GRM5: variants seen among roughly 807,000 people sequenced by gnomAD.
The protein encoded by GRM5 is metabotropic glutamate receptor 5.
A neutral mutation model predicts 83.1 loss-of-function variants in GRM5; 19 were observed. That is an observed-to-expected ratio of 0.23 (90% confidence interval 0.16 to 0.34). GRM5 has a LOEUF of 0.34. Ranked by LOEUF, GRM5 falls within the 10% of genes least tolerant of loss-of-function variation. GRM5 has a pLI of 1.00. For missense variants in GRM5, 1,160 were observed against 1,588.3 expected (o/e 0.73, Z 4.58); for synonymous variants, 675 against 633.6 (o/e 1.07, Z -0.98).
At chr11:88,570,571 A>ATATATATATATATATATATATATT (rs1405339448) in intron 7 of GRM5, among the ~76,000 whole-genome samples, 2 of 46,378 alleles carry the variant, frequency 4.3e-5, no homozygotes, top group Non-Finnish European at 3.5e-5. Context: ...ATATATATAT[A>ATATATATATATATATATATATATT]TTTTTTTTTT....
intron 4 of GRM5, among the ~76,000 whole-genome samples, chr11:88,630,767 G>A (rs1000410369): frequency 1.3e-5 from 2 of 152,030 alleles, no homozygotes; most frequent in African/African-American, 4.8e-5. Flanking sequence ...TAGTAGAGAC[G>A]GGGTTTCTCC....
intron 8 of GRM5, among the ~76,000 whole-genome samples, chr11:88,556,118 A>C (rs761333862): frequency 6.6e-5 from 10 of 152,144 alleles, no homozygotes; most frequent in Admixed American, 1.3e-4. Context: ...TCCCCAGGAT[A>C]GAGCAATGAT....
intron 3 of GRM5, among the ~76,000 whole-genome samples, chr11:88,714,301 AG>A (rs1370494217): frequency 2.0e-5 from 3 of 151,934 alleles, no homozygotes; most frequent in African/African-American, 7.2e-5. Context: ...GGGGAGGGGT[AG>A]GAAGGTTTCT....
chr11:88,513,128 T>C (rs575326315), intron 9 of GRM5, among the ~76,000 whole-genome samples: 3 of 152,322 alleles, frequency 2.0e-5, no homozygotes, highest in African/African-American at 7.2e-5. Flanking sequence ...AATTGTCTTG[T>C]CTTAAAGAAA....
At chr11:88,677,547 T>G (rs1181599974) in intron 3 of GRM5, among the ~76,000 whole-genome samples, 3 of 152,092 alleles carry the variant, frequency 2.0e-5, no homozygotes, top group African/African-American at 7.2e-5. Context: ...AAGAATGAAG[T>G]TGAAACATGG....
chr11:88,793,324 CAGATTTACACATATATAA>C (rs1308816468), intron 3 of GRM5, among the ~76,000 whole-genome samples: 1 of 152,006 alleles, frequency 6.6e-6, no homozygotes, highest in African/African-American at 2.4e-5. Flanking sequence ...ATGTGCTTTC[CAGATTTACACATATATAA>C]AAATTTGACA....
intron 2 of GRM5, among the ~76,000 whole-genome samples, chr11:88,860,401 ACT>A (rs1172933698): frequency 2.0e-5 from 3 of 152,042 alleles, no homozygotes; most frequent in African/African-American, 7.2e-5. Flanking sequence ...AAAGGAGAAA[ACT>A]CTATACGGAG....
Position 88,653,230 on chromosome 11 carries a change from C to T in GRM5, c.1085G>A (p.Arg362His), listed in dbSNP as rs1488106061. The change falls in exon 4 of 10, where the codon CGT (arginine) becomes CAT (histidine). Residue 362 changes from arginine (R) to histidine (H), a missense_variant. Coordinates refer to ENST00000305447, the MANE Select transcript of GRM5 (RefSeq NM_001143831.3). ...NPWFQEFWQHRFQCRLEGFPQ... is the reference protein window; with the variant it reads ...NPWFQEFWQHHFQCRLEGFPQ... The stretch of plus-strand genomic sequence containing the variant: ...AAACCCTTCCAGTCGGCACTGAAAA[C>T]GATGCTGCCAAAATTCTTGAAACCA... The T allele has an allele frequency of 3.1e-6, 5 of 1,613,078 alleles. No homozygotes were observed. The highest frequency in any genetic ancestry group is 2.2e-5 in the East Asian group (1 of 44,836).
At chr11:88,978,322 G>C (rs1939405042) in intron 2 of GRM5, among the ~76,000 whole-genome samples, 2 of 151,736 alleles carry the variant, frequency 1.3e-5, no homozygotes, top group South Asian at 4.2e-4. Context: ...TGGTTTCATG[G>C]GTGTATATTT....
intron 3 of GRM5, among the ~76,000 whole-genome samples, chr11:88,738,600 C>G (rs1328577911): frequency 6.6e-6 from 1 of 152,106 alleles, no homozygotes; most frequent in Non-Finnish European, 1.5e-5. Flanking sequence ...AATACTTCTT[C>G]TCTTAATGTT....
chr11:88,622,479 C>G (rs1486689785), intron 4 of GRM5, among the ~76,000 whole-genome samples: 1 of 152,148 alleles, frequency 6.6e-6, no homozygotes, highest in African/African-American at 2.4e-5. Context: ...AATACACTAT[C>G]CACCTTACCA....
At chr11:89,052,357 C>G (rs552099765) in intron 1 of GRM5, among the ~76,000 whole-genome samples, 2 of 152,040 alleles carry the variant, frequency 1.3e-5, no homozygotes, top group South Asian at 2.1e-4. Context: ...TTTGGAAAAG[C>G]CAGCTATGAA....
intron 4 of GRM5, among the ~76,000 whole-genome samples, chr11:88,636,162 T>C (rs922079698): frequency 2.6e-5 from 4 of 152,188 alleles, no homozygotes; most frequent in East Asian, 1.9e-4. Context: ...CTAGAACCTA[T>C]AGAATTGAAA....
chr11:89,000,316 T>C (rs777189756), intron 2 of GRM5, among the ~76,000 whole-genome samples: 24 of 152,176 alleles, frequency 1.6e-4, no homozygotes, highest in Non-Finnish European at 3.1e-4. Flanking sequence ...GTTTCAAGTT[T>C]TATTATATAA....
chr11:88,523,730 G>C (rs778616301), intron 9 of GRM5, among the ~76,000 whole-genome samples: 3 of 152,146 alleles, frequency 2.0e-5, no homozygotes, highest in Non-Finnish European at 2.9e-5. Flanking sequence ...TGCTCAAACT[G>C]TATGCTGAAC....
intron 3 of GRM5, among the ~76,000 whole-genome samples, chr11:88,811,957 G>C (rs11021420): frequency 0.025 from 3,875 of 152,144 alleles, 173 homozygotes; most frequent in African/African-American, 0.089. Context: ...GTAGAGGGTA[G>C]AATTAGGTCA....
intron 2 of GRM5, among the ~76,000 whole-genome samples, chr11:88,985,821 A>G (rs1417423950): frequency 2.0e-5 from 3 of 152,200 alleles, no homozygotes; most frequent in Non-Finnish European, 4.4e-5. Context: ...AAATAATACA[A>G]GTGAAAATCA....
intron 3 of GRM5, among the ~76,000 whole-genome samples, chr11:88,762,962 C>A (rs1942557268): frequency 6.6e-6 from 1 of 151,778 alleles, no homozygotes; most frequent in Non-Finnish European, 1.5e-5. Context: ...CAAGTGGGAG[C>A]TAACTGATGA....
At chr11:88,943,678 G>C (rs1025651552) in intron 2 of GRM5, among the ~76,000 whole-genome samples, 1 of 152,014 alleles carries the variant, frequency 6.6e-6, no homozygotes, top group Non-Finnish European at 1.5e-5. Context: ...AGTAGTTTTA[G>C]TATAGGAGAA....
Sources: gnomAD v4.1 joint callset for allele counts (sites outside exome capture counted in the v4.1 genomes callset) on GRCh38, gnomAD v4.1.1 for gene constraint, MANE v1.5 for transcripts, NCBI Gene and HGNC (gene_info 2026-07-23, HGNC 2026-07-21) for gene names.